The following PACRG variants were observed in gnomAD, a reference collection of about 807,000 sequenced individuals.
The protein encoded by PACRG is parkin coregulated gene protein.
In PACRG, 29 loss-of-function variants were observed where a neutral mutation model predicts 29.7. The ratio of observed to expected loss-of-function variants is 0.98; its 90% CI spans 0.73 to 1.33. PACRG has a LOEUF of 1.33. Among genes scored for constraint, PACRG ranks in the 40% most tolerant of loss-of-function variants. The pLI is 0.00. For missense variants in PACRG, 279 were observed against 316.2 expected, an observed-to-expected ratio of 0.88 and a Z score of 0.89; for synonymous variants, 116 against 118.7, an observed-to-expected ratio of 0.98 and a Z score of 0.15.
intron 1 of PACRG, among the ~76,000 whole-genome samples, chr6:162,805,088 T>G (rs1786206374): frequency 6.6e-6 from 1 of 152,150 alleles, no homozygotes; most frequent in African/African-American, 2.4e-5. Context: ...AAAGGTATGG[T>G]AAAAATATGG....
upstream of PACRG, chr6:162,727,556 C>T: frequency 1.6e-6 from 2 of 1,254,486 alleles, no homozygotes; most frequent in Non-Finnish European, 2.3e-6. Flanking sequence ...TTGGCCCCGT[C>T]ATTGACAGTT....
chr6:163,195,184 T>A (rs1780395318), intron 4 of PACRG, among the ~76,000 whole-genome samples: 2 of 152,200 alleles, frequency 1.3e-5, no homozygotes. Flanking sequence ...GCATCGGGGA[T>A]GCCTTGGCCT....
chr6:163,116,276 G>T lies in PACRG; in HGVS notation c.613+26868G>T, dbSNP rs139899983. 2.0e-3 allele frequency among the ~76,000 whole-genome samples: 305 copies of T among 152,274 alleles called. 1 individual carries two copies. Among genetic ancestry groups the T allele is most frequent in the Middle Eastern group, 0.01 (3 of 294 alleles). On this transcript the variant is annotated intron_variant, in intron 4 of 4. Coordinates refer to ENST00000366888, the MANE Select transcript of PACRG (RefSeq NM_001080379.2). ...GGAGCAGGAGCGAGATTAGGGAGCA[G>T]ATACTACGCACTATTAAATGACCAG...
At chr6:162,918,282 G>A (rs1044547026) in intron 2 of PACRG, among the ~76,000 whole-genome samples, 2 of 152,088 alleles carry the variant, frequency 1.3e-5, no homozygotes, top group African/African-American at 4.8e-5. Context: ...AACGCCTCTG[G>A]AAGTGCATGT....
intron 3 of PACRG, among the ~76,000 whole-genome samples, chr6:163,068,086 A>G (rs1811711070): frequency 6.6e-6 from 1 of 152,132 alleles, no homozygotes; most frequent in Admixed American, 6.5e-5. Flanking sequence ...ATTTGCTCCA[A>G]TCTGGACCAC....
At chr6:163,101,723 T>C (rs1369926951) in intron 4 of PACRG, among the ~76,000 whole-genome samples, 34 of 152,178 alleles carry the variant, frequency 2.2e-4, no homozygotes, top group Non-Finnish European at 4.4e-5. Flanking sequence ...GTGTACCTGC[T>C]GAGCTAGCCA....
At chr6:163,255,163 G>A (rs140851779) in intron 4 of PACRG, among the ~76,000 whole-genome samples, 126 of 152,228 alleles carry the variant, frequency 8.3e-4, no homozygotes, top group Non-Finnish European at 1.6e-3. Flanking sequence ...GATTTTGCCC[G>A]GCTGCAGAGT....
In PACRG at chr6:162,856,720, C is replaced by A. The variant is rs117946705; in HGVS notation, c.291+42439C>A. On this transcript the variant is annotated intron_variant, in intron 2 of 4. Transcript: ENST00000366888. ...AAGTAGTTGATTTTGCTTCATAAGT[C>A]AAATGATGATTCTTTTACAAATAGC... 6.8e-4 allele frequency among the ~76,000 whole-genome samples: 103 copies of A among 152,312 alleles called. 1 individual carries two copies. The East Asian group carries it at 9.3e-3, about 14-fold the overall frequency.
At chr6:163,122,915 T>G (rs539260281) in intron 4 of PACRG, among the ~76,000 whole-genome samples, 1 of 152,104 alleles carries the variant, frequency 6.6e-6, no homozygotes, top group Admixed American at 6.5e-5. Context: ...AAACTTAACA[T>G]AAGACTACTG....
chr6:163,295,884 A>G (rs1784764243), intron 4 of PACRG, among the ~76,000 whole-genome samples: 1 of 151,798 alleles, frequency 6.6e-6, no homozygotes, highest in Non-Finnish European at 1.5e-5. Flanking sequence ...TAAAACTCCT[A>G]GCCTGATGCC....
intron 2 of PACRG, among the ~76,000 whole-genome samples, chr6:162,945,476 C>T (rs555403484): frequency 6.6e-6 from 1 of 152,122 alleles, no homozygotes; most frequent in South Asian, 2.1e-4. Context: ...TATGTGCACC[C>T]ACCAACAGAA....
chr6:163,257,390 G>A (rs149646610), intron 4 of PACRG, among the ~76,000 whole-genome samples: 5 of 152,244 alleles, frequency 3.3e-5, no homozygotes, highest in South Asian at 2.1e-4. Context: ...GGTGAGAGGC[G>A]CAGTTGGTTG....
chr6:163,196,870 TAGAC>T lies in PACRG; in HGVS notation c.613+107465_613+107468del, dbSNP rs556229842. On this transcript the variant is annotated intron_variant, in intron 4 of 4. Transcript: ENST00000366888. The stretch of plus-strand genomic sequence containing the variant: ...ACAGATAGACAAATAGACAGACAAA[TAGAC>T]AGGTAGATAGATGGATAGACATGTA... 1.3e-3 allele frequency among the ~76,000 whole-genome samples: 202 copies of T among 149,994 alleles called. 1 individual carries two copies. The East Asian group carries it at 0.02, about 15-fold the overall frequency.
chr6:162,978,527 G>T (rs914415553), intron 2 of PACRG, among the ~76,000 whole-genome samples: 11 of 151,980 alleles, frequency 7.2e-5, no homozygotes, highest in Admixed American at 3.9e-4. Flanking sequence ...ATGGTGTGAG[G>T]ATTAAAATGT....
chr6:163,304,806 G>T (rs909856203), intron 4 of PACRG, among the ~76,000 whole-genome samples: 1 of 152,156 alleles, frequency 6.6e-6, no homozygotes, highest in Non-Finnish European at 1.5e-5. Flanking sequence ...GCAAGTGACC[G>T]GCTTCGTGAG....
At chr6:163,299,881 AAAAC>A (rs1053432967) in intron 4 of PACRG, among the ~76,000 whole-genome samples, 22 of 152,322 alleles carry the variant, frequency 1.4e-4, no homozygotes, top group South Asian at 4.1e-4. Flanking sequence ...TCCGTCTCAA[AAAAC>A]AAACAAACAA....
Position 163,055,598 on chromosome 6 carries a change from G to A in PACRG, c.292-6552G>A, listed in dbSNP as rs1159112568. 1.3e-5 allele frequency among the ~76,000 whole-genome samples: 2 copies of A among 152,136 alleles called. No homozygotes were observed. Among genetic ancestry groups the A allele is most frequent in the African/African-American group, 2.4e-5 (1 of 41,428 alleles). ...TATCTACTGTGTTAAAAAAGTTTGT[G>A]TCTCAAAATATAATGGCAAATTGTT... On this transcript the variant is annotated intron_variant, in intron 2 of 4. Transcript: ENST00000366888. This position sits in a 1 kb window ranked among gnomAD's most constrained non-coding sequence, Gnocchi z 4.0.
At chr6:163,310,603 T>A (rs1376303771) in intron 4 of PACRG, 1 of 152,242 alleles carries the variant, frequency 6.6e-6, no homozygotes, top group African/African-American at 2.4e-5. Flanking sequence ...AAGACCTCGC[T>A]CTGGCCACCA....
At chr6:163,003,284 G>T (rs1444243939) in intron 2 of PACRG, among the ~76,000 whole-genome samples, 1 of 152,212 alleles carries the variant, frequency 6.6e-6, no homozygotes, top group East Asian at 1.9e-4. Context: ...ATCTCTTGCT[G>T]ATTAATATGC....
Sources: allele counts gnomAD v4.1 joint callset (sites outside exome capture counted in the v4.1 genomes callset), GRCh38; gene constraint gnomAD v4.1.1; non-coding constraint Gnocchi (gnomAD v3.1); transcripts MANE v1.5; gene names NCBI Gene and HGNC (gene_info 2026-07-23, HGNC 2026-07-21).